Variants in EPHB1 observed in about 807,000 individuals in gnomAD.
EPHB1 encodes the protein EPH receptor B1.
In EPHB1, 30 loss-of-function variants were observed where a neutral mutation model predicts 94.4. That is an observed-to-expected ratio of 0.32 (90% CI 0.24 to 0.43). The LOEUF is 0.43. EPHB1 is among the 20% of genes least tolerant of loss of function. The pLI is 1.00. For missense variants in EPHB1, 1,055 were observed against 1,308.3 expected, an observed-to-expected ratio of 0.81 and a Z score of 2.99; for synonymous variants, 522 against 489.1, an observed-to-expected ratio of 1.07 and a Z score of -0.89.
chr3:134,832,843 A>G (rs2036603481), intron 1 of EPHB1, among the ~76,000 whole-genome samples: 1 of 152,188 alleles, frequency 6.6e-6, no homozygotes, highest in South Asian at 2.1e-4. Flanking sequence ...GAGAACCACA[A>G]ATAATTGAAA....
At chr3:135,045,984 A>T (rs1156412932) in intron 3 of EPHB1, among the ~76,000 whole-genome samples, 1 of 152,194 alleles carries the variant, frequency 6.6e-6, no homozygotes, top group Admixed American at 6.5e-5. Context: ...TGTATTTAAG[A>T]TGAATTTTCT....
chr3:135,256,954 C>T (rs1285463388), intron 15 of EPHB1, among the ~76,000 whole-genome samples: 1 of 143,698 alleles, frequency 7.0e-6, no homozygotes, highest in African/African-American at 2.7e-5. Context: ...CTTCTCGCTT[C>T]ATTTCATTCA....
chr3:134,964,200 G>A (rs1265279984), intron 3 of EPHB1, among the ~76,000 whole-genome samples: 1 of 152,238 alleles, frequency 6.6e-6, no homozygotes, highest in Non-Finnish European at 1.5e-5. Context: ...GCAGCATTGA[G>A]TAGAGGGACC....
At chr3:134,871,470 A>C (rs1309512231) in intron 1 of EPHB1, among the ~76,000 whole-genome samples, 1 of 152,148 alleles carries the variant, frequency 6.6e-6, no homozygotes, top group Non-Finnish European at 1.5e-5. Context: ...GCTGGCTCGA[A>C]GTGGATTCAG....
intron 15 of EPHB1, among the ~76,000 whole-genome samples, chr3:135,250,934 C>A (rs1205064718): frequency 6.6e-6 from 1 of 152,094 alleles, no homozygotes; most frequent in Non-Finnish European, 1.5e-5. Context: ...GTTGCTGAGT[C>A]CCAGGAAAGA....
At chr3:135,083,998 C>A (rs1938253517) in intron 3 of EPHB1, among the ~76,000 whole-genome samples, 1 of 152,106 alleles carries the variant, frequency 6.6e-6, no homozygotes, top group Non-Finnish European at 1.5e-5. Context: ...GCTACTGAGG[C>A]AGTGGGTAGA....
At chr3:135,228,577 A>G (rs1943455552) in intron 12 of EPHB1, among the ~76,000 whole-genome samples, 1 of 152,192 alleles carries the variant, frequency 6.6e-6, no homozygotes, top group African/African-American at 2.4e-5. Flanking sequence ...CTTTATTTAA[A>G]AAACAAAGCA....
chr3:135,015,342 G>A (rs1935761132), intron 3 of EPHB1, among the ~76,000 whole-genome samples: 1 of 152,054 alleles, frequency 6.6e-6, no homozygotes, highest in Non-Finnish European at 1.5e-5. Context: ...CTGGGTTCAA[G>A]CGATTCTCCT....
intron 12 of EPHB1, among the ~76,000 whole-genome samples, chr3:135,222,201 G>A (rs1367709165): frequency 6.6e-6 from 1 of 152,162 alleles, no homozygotes; most frequent in Non-Finnish European, 1.5e-5. Flanking sequence ...GTAGAAGTAT[G>A]AAGATTGGAT....
At chr3:134,997,900 T>G (rs1935045725) in intron 3 of EPHB1, among the ~76,000 whole-genome samples, 1 of 152,226 alleles carries the variant, frequency 6.6e-6, no homozygotes, top group Non-Finnish European at 1.5e-5. Context: ...CTATTCTATT[T>G]TAAGCAAAAT....
chr3:135,182,998 T>C (rs959492780), intron 10 of EPHB1, among the ~76,000 whole-genome samples: 2 of 65,060 alleles, frequency 3.1e-5, no homozygotes, highest in African/African-American at 1.0e-4. Context: ...TTCTTTTCTT[T>C]TCTTTTCTTT....
intron 3 of EPHB1, among the ~76,000 whole-genome samples, chr3:135,024,145 A>C (rs1936064558): frequency 6.6e-6 from 1 of 152,162 alleles, no homozygotes; most frequent in Admixed American, 6.5e-5. Flanking sequence ...TACAGTCTCT[A>C]CCTAGTCAAT....
chr3:135,215,995 G>A (rs1030731303), intron 12 of EPHB1, among the ~76,000 whole-genome samples: 2 of 152,188 alleles, frequency 1.3e-5, no homozygotes, highest in Non-Finnish European at 2.9e-5. Flanking sequence ...TCCCCATCCT[G>A]TCAGGCTGGA....
intron 1 of EPHB1, among the ~76,000 whole-genome samples, chr3:134,818,003 A>G (rs2036302624): frequency 6.6e-6 from 1 of 152,122 alleles, no homozygotes; most frequent in Non-Finnish European, 1.5e-5. Flanking sequence ...TGGCTTCTTA[A>G]TGCTTTTCCC....
chr3:135,007,869 G>A (rs1265228907), intron 3 of EPHB1, among the ~76,000 whole-genome samples: 1 of 152,186 alleles, frequency 6.6e-6, no homozygotes, highest in Non-Finnish European at 1.5e-5. Context: ...TGTTGATCAG[G>A]TCAGGACGAA....
chr3:135,050,912 T>TTGTGTGTG (rs61632320), intron 3 of EPHB1, among the ~76,000 whole-genome samples: 1,861 of 148,036 alleles, frequency 0.013, 43 homozygotes, highest in African/African-American at 0.044. Context: ...TAAACACCCT[T>TTGTGTGTG]TGTGTGTGTG....
intron 3 of EPHB1, among the ~76,000 whole-genome samples, chr3:134,995,177 C>T (rs1260854496): frequency 1.3e-5 from 2 of 152,144 alleles, no homozygotes. Flanking sequence ...TCAATGTGTT[C>T]TTGATCTCTA....
chr3:134,958,531 G>A (rs994722270), intron 3 of EPHB1, among the ~76,000 whole-genome samples: 1 of 152,092 alleles, frequency 6.6e-6, no homozygotes, highest in South Asian at 2.1e-4. Flanking sequence ...ATTGGCTGGT[G>A]AGAGGGAAAC....
chr3:134,939,180 TCACCCC>T (rs1296054167), intron 2 of EPHB1, among the ~76,000 whole-genome samples: 1 of 152,200 alleles, frequency 6.6e-6, no homozygotes, highest in African/African-American at 2.4e-5. Flanking sequence ...GTTATGTCCC[TCACCCC>T]CATCCCCTTG....
Sources: gnomAD v4.1 joint callset for allele counts (sites outside exome capture counted in the v4.1 genomes callset) on GRCh38, gnomAD v4.1.1 for gene constraint, MANE v1.5 for transcripts, NCBI Gene and HGNC (gene_info 2026-07-23, HGNC 2026-07-21) for gene names.